The following HPS3 variants were observed in gnomAD, a reference collection of about 807,000 sequenced individuals.
The protein encoded by HPS3 is BLOC-2 complex member HPS3.
Under a neutral mutation model 110.9 loss-of-function variants are expected in HPS3, and 79 were observed. The ratio of observed to expected loss-of-function variants is 0.71; its 90% CI spans 0.59 to 0.86. HPS3 has a LOEUF of 0.86. HPS3 is among the 40% of genes least tolerant of loss of function. The pLI, the probability that HPS3 is intolerant of heterozygous loss-of-function variation, is 0.00. For missense variants in HPS3, 1,197 were observed against 1,206.2 expected (o/e 0.99, Z 0.11); for synonymous variants, 428 against 451.0 (o/e 0.95, Z 0.65).
chr3:149,151,455 A>T lies in HPS3; in HGVS notation c.1245+775A>T, dbSNP rs113076700. On this transcript the variant is annotated intron_variant, in intron 6 of 16. Coordinates refer to ENST00000296051, the MANE Select transcript of HPS3 (RefSeq NM_032383.5). ...TACGATGCATTAAAATGATTTATTTATACTATTATCAGCTATGCCTGTAAT... is the reference window on the plus strand; with the variant it reads ...TACGATGCATTAAAATGATTTATTTTTACTATTATCAGCTATGCCTGTAAT... Among the ~76,000 whole-genome samples the T allele has an allele frequency of 1.5e-3, 223 of 152,046 alleles. 3 individuals carry two copies. The highest frequency in any genetic ancestry group is 4.8e-3 in the African/African-American group (201 of 41,518).
chr3:149,132,406 A>G (rs1721834399), intron 1 of HPS3, among the ~76,000 whole-genome samples: 1 of 152,064 alleles, frequency 6.6e-6, no homozygotes, highest in Non-Finnish European at 1.5e-5. Context: ...TGCTAAATCT[A>G]CTCTGCCTGT....
chr3:149,156,410 C>T, intron 8 of HPS3, among the ~76,000 whole-genome samples: 1 of 152,170 alleles, frequency 6.6e-6, no homozygotes, highest in Non-Finnish European at 1.5e-5. Flanking sequence ...GTTCAAGACC[C>T]AGTCTAGGAT....
At chr3:149,135,176 C>T (rs1722013545) in intron 1 of HPS3, among the ~76,000 whole-genome samples, 1 of 152,136 alleles carries the variant, frequency 6.6e-6, no homozygotes, top group African/African-American at 2.4e-5. Flanking sequence ...CTCAAATTAG[C>T]TGAAAGTTTT....
intron 11 of HPS3, among the ~76,000 whole-genome samples, chr3:149,160,944 A>T (rs1004606722): frequency 3.3e-5 from 5 of 152,198 alleles, no homozygotes; most frequent in African/African-American, 1.2e-4. Context: ...AGACACAGAG[A>T]GGTTAAGTAA....
At chr3:149,167,668 A>G (rs1403853408) in intron 15 of HPS3, among the ~76,000 whole-genome samples, 1 of 152,164 alleles carries the variant, frequency 6.6e-6, no homozygotes, top group Non-Finnish European at 1.5e-5. Context: ...GTACATATGT[A>G]CAATATATGT....
intron 14 of HPS3, chr3:149,165,826 C>G (rs1724358069): frequency 3.0e-6 from 1 of 336,920 alleles, no homozygotes; most frequent in East Asian, 8.3e-5. Flanking sequence ...CTATTTTCTC[C>G]CATGTTGGGA....
chr3:149,130,392 A>C, intron 1 of HPS3: 1 of 172,354 alleles, frequency 5.8e-6, no homozygotes, highest in Non-Finnish European at 1.3e-5. Flanking sequence ...TCACATCTGT[A>C]CCTCCATCTA....
At chr3:149,131,971 A>G (rs560135787) in intron 1 of HPS3, among the ~76,000 whole-genome samples, 1 of 152,226 alleles carries the variant, frequency 6.6e-6, no homozygotes, top group South Asian at 2.1e-4. Flanking sequence ...AATACAGAGC[A>G]AGGCCCTCTG....
At chr3:149,142,192 A>G (rs755921263) in intron 4 of HPS3, among the ~76,000 whole-genome samples, 3 of 152,204 alleles carry the variant, frequency 2.0e-5, no homozygotes, top group Admixed American at 6.5e-5. Flanking sequence ...AAGGGAAGTC[A>G]TACCTGCTAG....
intron 6 of HPS3, among the ~76,000 whole-genome samples, chr3:149,152,822 A>T (rs1723214532): frequency 6.6e-6 from 1 of 152,220 alleles, no homozygotes; most frequent in Admixed American, 6.5e-5. Context: ...GAGCTCCCAG[A>T]ATAGAGCTCT....
At chr3:149,137,080 G>T (rs1722156239) in intron 1 of HPS3, among the ~76,000 whole-genome samples, 1 of 151,978 alleles carries the variant, frequency 6.6e-6, no homozygotes, top group Non-Finnish European at 1.5e-5. Flanking sequence ...TCTCATAAGG[G>T]ATTAATATCT....
At chr3:149,171,031 G>A (rs938634657) in intron 16 of HPS3, among the ~76,000 whole-genome samples, 4 of 152,188 alleles carry the variant, frequency 2.6e-5, no homozygotes, top group Non-Finnish European at 5.9e-5. Context: ...GGTAATCCCA[G>A]TGCTTTGGGA....
At chr3:149,158,915 T>G in intron 10 of HPS3, 69 bp downstream of exon 10, 1 of 1,115,234 alleles carries the variant, frequency 9.0e-7, no homozygotes, top group Middle Eastern at 2.5e-4. Flanking sequence ...TTTTATGTAG[T>G]ACTGTTTAGA....
At position 149,141,397 on chromosome 3, in the gene HPS3, A is replaced by G. The variant is rs752595588; in HGVS notation, c.970+17A>G. 31 of 1,594,070 alleles carry G rather than the reference A, an allele frequency of 1.9e-5. No homozygotes were observed. In the South Asian group the frequency reaches 3.4e-4, roughly 18 times the overall value. ...ACCAGACCGGTAAGCATGACAGTGC[A>G]GGAGTGCGACAGTGCAGCAAGGTGA... On this transcript the variant is annotated intron_variant, in intron 4 of 16. Coordinates refer to ENST00000296051, the MANE Select transcript of HPS3 (RefSeq NM_032383.5).
intron 5 of HPS3, among the ~76,000 whole-genome samples, chr3:149,149,475 G>A (rs1319954079): frequency 6.6e-6 from 1 of 152,098 alleles, no homozygotes; most frequent in Non-Finnish European, 1.5e-5. Context: ...TTCCTAGAAC[G>A]TTGCAGAGAT....
rs1285095006 is a variant in HPS3, at chr3:149,172,876, C to T, written c.*654C>T. 8 of 149,730 alleles carry T rather than the reference C, an allele frequency of 5.3e-5. No individual in the cohort carries two copies. The highest frequency in any genetic ancestry group is 2.1e-4 in the African/African-American group (8 of 38,680). The allele number at this position is 149,730 out of a possible 1,614,324, so 9.3% of individuals were successfully genotyped here. A position where few individuals can be genotyped will look rare whatever the true frequency, so the allele number is the denominator to read the frequency against. ...AATGCATGTTTTTTTCAGCCAAAGC[C>T]TTGTTTCCATTTTTGTTGATGTGTA... On this transcript the variant is annotated 3_prime_UTR_variant, in exon 17 of 17. Transcript: ENST00000296051.
chr3:149,150,620 T>TGTGCG lies in HPS3; in HGVS notation c.1190_1194dup (p.Ser399GlyfsTer18), dbSNP rs1309602954. ...TCAGTAACAACCTGCAGTGTTTCACTGTGCGGTGCAGTGCGGCGGCAGCTC... is the reference window on the plus strand; with the variant it reads ...TCAGTAACAACCTGCAGTGTTTCACTGTGCGGTGCGGTGCAGTGCGGCGGCAGCTC... On this transcript the variant is annotated frameshift_variant, in exon 6 of 17. Transcript: ENST00000296051. LOFTEE classifies it high-confidence loss of function. 1.9e-6 allele frequency: 3 copies of TGTGCG among 1,614,100 alleles called. No homozygotes were observed. Among genetic ancestry groups the TGTGCG allele is most frequent in the Non-Finnish European group, 2.5e-6 (3 of 1,179,978 alleles).
At position 149,157,463 on chromosome 3, in the gene HPS3, T is replaced by A. The variant is rs1208679162; in HGVS notation, c.1623T>A (p.Pro541=). 1.2e-6 allele frequency: 2 copies of A among 1,613,798 alleles called. No individual in the cohort carries two copies. The highest frequency in any genetic ancestry group is 1.7e-6 in the Non-Finnish European group (2 of 1,179,876). The change falls in exon 9 of 17, where the codon CCT becomes CCA. Residue 541 remains proline (P), a synonymous_variant. Transcript: ENST00000296051. ...AALMDASQLE[P]GEKAELLEAF... is the part of the protein sequence containing the mutation. ...TGATGGATGCCAGTCAGCTGGAACC[T>A]GGAGAGAAGGCAGAGCTTTTGGAAG...
intron 16 of HPS3, among the ~76,000 whole-genome samples, chr3:149,170,756 T>C (rs1724892371): frequency 6.6e-6 from 1 of 152,178 alleles, no homozygotes; most frequent in Admixed American, 6.5e-5. Flanking sequence ...GAATGGATCT[T>C]ATATTTCACT....
Sources: allele counts gnomAD v4.1 joint callset (sites outside exome capture counted in the v4.1 genomes callset), GRCh38; gene constraint gnomAD v4.1.1; transcripts MANE v1.5; gene names NCBI Gene and HGNC (gene_info 2026-07-23, HGNC 2026-07-21).